The following MYC variants were observed in gnomAD, a reference collection of about 807,000 sequenced individuals.
MYC encodes MYC proto-oncogene, bHLH transcription factor, also known as myc proto-oncogene protein.
Under a neutral mutation model 30.5 loss-of-function variants are expected in MYC, and 1 was observed. The observed-to-expected ratio is 0.03, with a 90% CI of 0.01 to 0.16. The LOEUF (loss-of-function observed/expected upper bound fraction) is 0.16, where lower values mean the gene tolerates loss of function less well. Among genes scored for constraint, MYC ranks in the 10% least tolerant of loss-of-function variants. MYC has a pLI of 1.00. For synonymous variants in MYC, 267 were observed against 250.7 expected, an observed-to-expected ratio of 1.07 and a Z score of -0.62; for missense variants, 508 against 589.0, an observed-to-expected ratio of 0.86 and a Z score of 1.42.
Position 127,738,851 on chromosome 8 carries a change from TACCCTCTCA to T in MYC, c.637_645del (p.Pro213_Asn215del). 1 of 1,612,494 alleles carries T rather than the reference TACCCTCTCA, an allele frequency of 6.2e-7. No individual in the cohort carries two copies. The highest frequency in any genetic ancestry group is 8.5e-7 in the Non-Finnish European group (1 of 1,179,862). On this transcript the variant is annotated inframe_deletion, in exon 2 of 3. Coordinates refer to ENST00000621592, the MANE Select transcript of MYC (RefSeq NM_002467.6). This position sits in a 1 kb window ranked among gnomAD's most constrained non-coding sequence, Gnocchi z 7.6. The stretch of plus-strand genomic sequence containing the variant: ...CATCGACCCCTCGGTGGTCTTCCCC[TACCCTCTCA>T]ACGACAGCAGCTCGCCCAAGTCCTG...
intron 1 of MYC, among the ~76,000 whole-genome samples, chr8:127,737,341 A>T (rs969647151): frequency 6.6e-6 from 1 of 152,178 alleles, no homozygotes; most frequent in South Asian, 2.1e-4. Context: ...GTTGACTTGG[A>T]AAAACCAGGG....
At chr8:127,737,006 G>A (rs1813603303) in intron 1 of MYC, among the ~76,000 whole-genome samples, 1 of 152,262 alleles carries the variant, frequency 6.6e-6, no homozygotes, top group Non-Finnish European at 1.5e-5. Flanking sequence ...CTTGCATCCT[G>A]AGCTCCTTGG....
Position 127,739,000 on chromosome 8 carries a change from C to T in MYC, c.783C>T (p.Pro261=). The T allele has an allele frequency of 6.6e-7, 1 of 1,519,588 alleles. No individual in the cohort carries two copies. Among genetic ancestry groups the T allele is most frequent in the Non-Finnish European group, 8.8e-7 (1 of 1,140,778 alleles). 94.1% of individuals were successfully genotyped at this position (1,519,588 alleles called of 1,614,324 possible). A position where few individuals can be genotyped will look rare whatever the true frequency, so the allele number is the denominator to read the frequency against. Residue 261 remains proline, a synonymous_variant, in exon 2 of 3, where the codon CCC becomes CCT. Coordinates refer to ENST00000621592, the MANE Select transcript of MYC (RefSeq NM_002467.6). The surrounding 1 kb of genome is among the most constrained non-coding windows in gnomAD (Gnocchi z 7.6). The stretch of plus-strand genomic sequence containing the variant: ...TGGTGCTCCATGAGGAGACACCGCC[C>T]ACCACCAGCAGCGACTCTGGTAAGC...
rs541914583 is a variant in MYC at position 127,738,547 on chromosome 8, G to A, written c.330G>A (p.Thr110=). Residue 110 remains threonine, a synonymous_variant, in exon 2 of 3, where the codon ACG becomes ACA. Transcript: ENST00000621592. The surrounding 1 kb of genome is among the most constrained non-coding windows in gnomAD (Gnocchi z 7.6). ...ACGGCGGTGGCGGGAGCTTCTCCAC[G>A]GCCGACCAGCTGGAGATGGTGACCG... is the stretch of plus-strand genomic sequence containing the variant. 21 of 1,612,882 alleles carry A rather than the reference G, an allele frequency of 1.3e-5. No individual in the cohort carries two copies. The African/African-American group carries it at 2.3e-4, about 17-fold the overall frequency.
At position 127,738,973 on chromosome 8, in the gene MYC, C is replaced by T. The variant is rs762543262; in HGVS notation, c.756C>T (p.Pro252=). The T allele has an allele frequency of 1.3e-6, 2 of 1,561,422 alleles. No individual in the cohort carries two copies. Among genetic ancestry groups the T allele is most frequent in the Admixed American group, 1.9e-5 (1 of 53,120 alleles). Reference sequence around the variant, plus strand: ...CCTCCCCGCAGGGCAGCCCCGAGCCCCTGGTGCTCCATGAGGAGACACCGC... The same window carrying T: ...CCTCCCCGCAGGGCAGCCCCGAGCCTCTGGTGCTCCATGAGGAGACACCGC... Residue 252 remains proline, a synonymous_variant, in exon 2 of 3, where the codon CCC becomes CCT. Coordinates refer to ENST00000621592, the MANE Select transcript of MYC (RefSeq NM_002467.6). The surrounding 1 kb of genome is among the most constrained non-coding windows in gnomAD (Gnocchi z 7.6).
upstream of MYC, chr8:127,736,063 G>A (rs1665054790): frequency 2.5e-6 from 1 of 406,438 alleles, no homozygotes; most frequent in Non-Finnish European, 4.3e-6. Flanking sequence ...GGTCTGGACG[G>A]CTGAGGACCC....
Position 127,736,403 on chromosome 8 carries a change from C to A in MYC, c.-191C>A, listed in dbSNP as rs1586587818. The A allele has an allele frequency of 6.3e-6, 4 of 636,282 alleles. No homozygotes were observed. In the East Asian group the frequency reaches 1.1e-4, roughly 17 times the overall value. The allele number at this position is 636,282 out of a possible 1,614,324, so 39.4% of individuals were successfully genotyped here. On this transcript the variant is annotated 5_prime_UTR_variant, in exon 1 of 3. Coordinates refer to ENST00000621592, the MANE Select transcript of MYC (RefSeq NM_002467.6). ...TCCCGCTGATCCCCCAGCCAGCGGTCCGCAACCCTTGCCGCATCCACGAAA... is the reference window on the plus strand; with the variant it reads ...TCCCGCTGATCCCCCAGCCAGCGGTACGCAACCCTTGCCGCATCCACGAAA...
Position 127,738,940 on chromosome 8 carries a change from G to T in MYC, c.723G>T (p.Ser241=). 6.2e-7 allele frequency: 1 copy of T among 1,601,350 alleles called. No homozygotes were observed. Among genetic ancestry groups the T allele is most frequent in the Non-Finnish European group, 8.5e-7 (1 of 1,177,968 alleles). The change falls in exon 2 of 3, where the codon TCG becomes TCT. Residue 241 remains serine, a synonymous_variant. Transcript: ENST00000621592. This position sits in a 1 kb window ranked among gnomAD's most constrained non-coding sequence, Gnocchi z 7.6. ...CGTCCTCGGATTCTCTGCTCTCCTC[G>T]ACGGAGTCCTCCCCGCAGGGCAGCC...
intron 1 of MYC, among the ~76,000 whole-genome samples, chr8:127,737,937 C>G (rs777345742): frequency 1.3e-5 from 2 of 152,164 alleles, no homozygotes; most frequent in African/African-American, 2.4e-5. Flanking sequence ...GCGCCAGGGC[C>G]GATTTCGATT....
intron 2 of MYC, among the ~76,000 whole-genome samples, chr8:127,739,804 G>A (rs1187972218): frequency 6.6e-6 from 1 of 151,852 alleles, no homozygotes; most frequent in African/African-American, 2.4e-5. Context: ...CTTTGCTTTG[G>A]GTGTGTCCAA....
At chr8:127,737,545 G>A (rs961227111) in intron 1 of MYC, among the ~76,000 whole-genome samples, 2 of 152,208 alleles carry the variant, frequency 1.3e-5, no homozygotes, top group African/African-American at 4.8e-5. Context: ...TGAGTGCGAA[G>A]GGAGGTGCCC....
intron 1 of MYC, among the ~76,000 whole-genome samples, chr8:127,737,031 A>G (rs911925854): frequency 2.6e-5 from 4 of 152,238 alleles, no homozygotes; most frequent in Admixed American, 6.5e-5. Context: ...GGGACCGCAT[A>G]TCGCCTGTGT....
In MYC at chr8:127,736,413, T is replaced by G. The variant is rs1813590525; in HGVS notation, c.-181T>G. The G allele has an allele frequency of 3.1e-6, 2 of 655,214 alleles. No homozygotes were observed. The highest frequency in any genetic ancestry group is 1.8e-5 in the African/African-American group (1 of 55,018). 40.6% of individuals were successfully genotyped at this position (655,214 alleles called of 1,614,324 possible). On this transcript the variant is annotated 5_prime_UTR_variant, in exon 1 of 3. Coordinates refer to ENST00000621592, the MANE Select transcript of MYC (RefSeq NM_002467.6). ...CCCCCAGCCAGCGGTCCGCAACCCT[T>G]GCCGCATCCACGAAACTTTGCCCAT...
chr8:127,738,991 G>A lies in MYC; in HGVS notation c.774G>A (p.Glu258=), dbSNP rs960265339. ...CCGAGCCCCTGGTGCTCCATGAGGAGACACCGCCCACCACCAGCAGCGACT... is the reference window on the plus strand; with the variant it reads ...CCGAGCCCCTGGTGCTCCATGAGGAAACACCGCCCACCACCAGCAGCGACT... Residue 258 remains glutamate (E), a synonymous_variant, in exon 2 of 3, where the codon GAG becomes GAA. Coordinates refer to ENST00000621592, the MANE Select transcript of MYC (RefSeq NM_002467.6). This position sits in a 1 kb window ranked among gnomAD's most constrained non-coding sequence, Gnocchi z 7.6. The A allele has an allele frequency of 6.5e-7, 1 of 1,530,576 alleles. No homozygotes were observed. Among genetic ancestry groups the A allele is most frequent in the Admixed American group, 2.1e-5 (1 of 48,764 alleles). The allele number at this position is 1,530,576 out of a possible 1,614,324, so 94.8% of individuals were successfully genotyped here.
rs1813658399 is a variant in MYC, at chr8:127,738,917, T to C, written c.700T>C (p.Ser234Pro). ...GCAAGACTCCAGCGCCTTCTCTCCG[T>C]CCTCGGATTCTCTGCTCTCCTCGAC... is the stretch of plus-strand genomic sequence containing the variant. The change falls in exon 2 of 3, where the codon TCC (serine) becomes CCC (proline). Residue 234 changes from serine to proline, a missense_variant. Around this residue, in one of 5 missense-constraint regions of MYC, gnomAD observed 364 missense variants for 381.1 expected, o/e 0.96. Coordinates refer to ENST00000621592, the MANE Select transcript of MYC (RefSeq NM_002467.6). The surrounding 1 kb of genome is among the most constrained non-coding windows in gnomAD (Gnocchi z 7.6). 1 of 1,609,528 alleles carries C rather than the reference T, an allele frequency of 6.2e-7. No homozygotes were observed. The highest frequency in any genetic ancestry group is 8.5e-7 in the Non-Finnish European group (1 of 1,179,898).
At chr8:127,735,844 C>A (rs1046254252), upstream of MYC, 12 of 398,888 alleles carry the variant, frequency 3.0e-5, no homozygotes, top group Admixed American at 3.5e-4. Flanking sequence ...ATGGTAGGCG[C>A]GCGTAGTTAA....
chr8:127,736,704 T>C, intron 1 of MYC, 81 bp downstream of exon 1: 2 of 1,473,712 alleles, frequency 1.4e-6, no homozygotes, highest in South Asian at 2.3e-5. Flanking sequence ...CTAAATAGGG[T>C]GTCTTTTCTC....
In MYC at chr8:127,738,097, T is replaced by G; in HGVS notation, c.31-151T>G. 1 of 852,780 alleles carries G rather than the reference T, an allele frequency of 1.2e-6. No homozygotes were observed. The allele number at this position is 852,780 out of a possible 1,614,324, so 52.8% of individuals were successfully genotyped here. On this transcript the variant is annotated intron_variant, in intron 1 of 2. Transcript: ENST00000621592. The surrounding 1 kb of genome is among the most constrained non-coding windows in gnomAD (Gnocchi z 7.6). The stretch of plus-strand genomic sequence containing the variant: ...AGGGGGTGAAAGGGTGCTCCCTTTA[T>G]TCCCCCACCAAGACCACCCAGCCGC...
At position 127,740,509 on chromosome 8, in the gene MYC, C is replaced by T. The variant is rs1813692445; in HGVS notation, c.916C>T (p.Pro306Ser). Residue 306 changes from proline to serine, a missense_variant, in exon 3 of 3, where the codon CCT becomes TCT. Transcript: ENST00000621592. ...TTCTGCTGGAGGCCACAGCAAACCTCCTCACAGCCCACTGGTCCTCAAGAG... is the reference window on the plus strand; with the variant it reads ...TTCTGCTGGAGGCCACAGCAAACCTTCTCACAGCCCACTGGTCCTCAAGAG... The T allele has an allele frequency of 2.5e-6, 4 of 1,613,948 alleles. No homozygotes were observed. The highest frequency in any genetic ancestry group is 1.1e-5 in the South Asian group (1 of 91,070).
Sources: allele counts gnomAD v4.1 joint callset (sites outside exome capture counted in the v4.1 genomes callset), GRCh38; gene constraint gnomAD v4.1.1; regional missense constraint gnomAD v4.1.1; non-coding constraint Gnocchi (gnomAD v3.1); transcripts MANE v1.5; gene names NCBI Gene and HGNC (gene_info 2026-07-23, HGNC 2026-07-21).